The following C14orf39 variants were observed in gnomAD, a reference collection of about 807,000 sequenced individuals.
C14orf39 encodes the protein protein SIX6OS1.
A neutral mutation model predicts 85.6 loss-of-function variants in C14orf39; 66 were observed. The ratio of observed to expected loss-of-function variants is 0.77; its 90% CI spans 0.63 to 0.95. The LOEUF (loss-of-function observed/expected upper bound fraction) is 0.95. C14orf39 is among the 40% of genes least tolerant of loss of function. The probability of loss-of-function intolerance (pLI) is 0.00; values close to 1 mark genes in which losing one functional copy is unlikely to be tolerated. For missense variants in C14orf39, 735 were observed against 663.9 expected, an observed-to-expected ratio of 1.11 and a Z score of -1.18; for synonymous variants, 242 against 214.0, an observed-to-expected ratio of 1.13 and a Z score of -1.14.
intron 1 of C14orf39, chr14:60,509,360 T>A: frequency 6.4e-7 from 1 of 1,570,242 alleles, no homozygotes. Flanking sequence ...CGTGTCCCGC[T>A]CCGGGCTCAG....
At chr14:60,462,761 A>C (rs138269877) in intron 11 of C14orf39, among the ~76,000 whole-genome samples, 26 of 152,218 alleles carry the variant, frequency 1.7e-4, no homozygotes, top group Non-Finnish European at 7.4e-5. Context: ...ACTTTCTTAA[A>C]ACATGAGATT....
intron 17 of C14orf39, among the ~76,000 whole-genome samples, chr14:60,437,780 T>C (rs2140005538): frequency 6.6e-6 from 1 of 152,080 alleles, no homozygotes; most frequent in Non-Finnish European, 1.5e-5. Context: ...ATTTATTGAG[T>C]CACTACAATA....
At chr14:60,472,841 T>C (rs1892167219) in intron 5 of C14orf39, among the ~76,000 whole-genome samples, 1 of 152,176 alleles carries the variant, frequency 6.6e-6, no homozygotes, top group African/African-American at 2.4e-5. Context: ...TCTTTGCTAT[T>C]GTGAATAGTG....
At chr14:60,472,875 G>A (rs969783067) in intron 5 of C14orf39, among the ~76,000 whole-genome samples, 3 of 152,126 alleles carry the variant, frequency 2.0e-5, no homozygotes, top group African/African-American at 4.8e-5. Context: ...ACGTGTGCAT[G>A]TGTCTTTATA....
intron 16 of C14orf39, among the ~76,000 whole-genome samples, chr14:60,449,026 G>A (rs1220159902): frequency 6.6e-6 from 1 of 152,076 alleles, no homozygotes; most frequent in Non-Finnish European, 1.5e-5. Context: ...TTACATACTG[G>A]GGCCTGTCAG....
intron 16 of C14orf39, among the ~76,000 whole-genome samples, chr14:60,451,743 G>A (rs959712614): frequency 4.6e-5 from 7 of 151,178 alleles, no homozygotes. Flanking sequence ...TGTAAATGAC[G>A]AGTTAATGGG....
At chr14:60,485,656 A>G (rs930345222) in intron 1 of C14orf39, among the ~76,000 whole-genome samples, 1 of 152,096 alleles carries the variant, frequency 6.6e-6, no homozygotes, top group African/African-American at 2.4e-5. Context: ...CGTGCCCCTC[A>G]GAGCCCAGGA....
chr14:60,509,517 C>T, intron 1 of C14orf39: 1 of 1,606,482 alleles, frequency 6.2e-7, no homozygotes. Context: ...CTGCCCGTGG[C>T]CCCTGCGGCC....
At chr14:60,488,223 A>C (rs1450067008), upstream of C14orf39, among the ~76,000 whole-genome samples, 1 of 152,180 alleles carries the variant, frequency 6.6e-6, no homozygotes, top group Non-Finnish European at 1.5e-5. Flanking sequence ...CACCTTACTG[A>C]GATCTGAAAA....
At chr14:60,457,993 T>A (rs995661015) in intron 14 of C14orf39, among the ~76,000 whole-genome samples, 5 of 151,966 alleles carry the variant, frequency 3.3e-5, no homozygotes, top group Non-Finnish European at 4.4e-5. Context: ...TTTAAAAAAA[T>A]TTATTGATGC....
At chr14:60,485,813 C>G (rs930273336) in intron 1 of C14orf39, 132 bp downstream of exon 1, 1 of 152,372 alleles carries the variant, frequency 6.6e-6, no homozygotes, top group Non-Finnish European at 1.5e-5. Flanking sequence ...CCGCACCAAC[C>G]CAGGGGATAA....
intron 1 of C14orf39, among the ~76,000 whole-genome samples, chr14:60,508,252 A>G (rs1388209572): frequency 6.6e-6 from 1 of 152,188 alleles, no homozygotes; most frequent in Admixed American, 6.5e-5. Flanking sequence ...CAAGGAAAGG[A>G]GTTAAGTCGA....
intron 1 of C14orf39, among the ~76,000 whole-genome samples, chr14:60,500,874 C>CA (rs933354683): frequency 1.2e-4 from 17 of 147,332 alleles, no homozygotes; most frequent in South Asian, 4.3e-4. Flanking sequence ...GGAAAACGAA[C>CA]AAAAAAAAAG....
chr14:60,461,089 A>AG (rs1340849333), intron 13 of C14orf39, among the ~76,000 whole-genome samples: 1 of 151,994 alleles, frequency 6.6e-6, no homozygotes, highest in African/African-American at 2.4e-5. Context: ...AAAAATGCAT[A>AG]GAAAAAAATG....
chr14:60,447,445 A>T (rs374822481), intron 16 of C14orf39, among the ~76,000 whole-genome samples: 3 of 152,148 alleles, frequency 2.0e-5, no homozygotes, highest in Admixed American at 6.6e-5. Context: ...CCATTCACAA[A>T]TGCTTCAAAG....
rs754095136 is a variant in C14orf39 at position 60,478,329 on chromosome 14, A to G, written c.294T>C (p.Thr98=). The change falls in exon 5 of 18, where the codon ACT becomes ACC. Residue 98 remains threonine, a synonymous_variant. Transcript: ENST00000321731. ...KHEDYMQDQF[T]VYQGTVEKDK... ...CTTTTTCAACAGTTCCTTGATAAACAGTAAATTGGTCCTGCATATAATCTT... is the reference window on the plus strand; with the variant it reads ...CTTTTTCAACAGTTCCTTGATAAACGGTAAATTGGTCCTGCATATAATCTT... The G allele has an allele frequency of 1.3e-6, 2 of 1,577,458 alleles. No homozygotes were observed. Among genetic ancestry groups the G allele is most frequent in the Non-Finnish European group, 1.7e-6 (2 of 1,164,916 alleles).
chr14:60,513,271 G>A (rs1893319373), intron 1 of C14orf39, among the ~76,000 whole-genome samples: 1 of 152,142 alleles, frequency 6.6e-6, no homozygotes, highest in South Asian at 2.1e-4. Flanking sequence ...GCCCTCCTGT[G>A]GGTCCTGAAA....
At chr14:60,450,963 A>C (rs1190440762) in intron 16 of C14orf39, among the ~76,000 whole-genome samples, 4 of 152,202 alleles carry the variant, frequency 2.6e-5, no homozygotes, top group African/African-American at 4.8e-5. Context: ...AGTCCCTTTG[A>C]ATACTTGGAA....
rs1474392420 is a variant in C14orf39, at chr14:60,491,685, C to A, written c.-8-6599G>T. Among the ~76,000 whole-genome samples, 1 of 152,134 alleles carries A rather than the reference C, an allele frequency of 6.6e-6. No individual in the cohort carries two copies. The highest frequency in any genetic ancestry group is 6.5e-5 in the Admixed American group (1 of 15,270). ...TATTTCAGCTGCCGCCATCTAAATT[C>A]ATTCTCTCACCTGGATTATTGTACT... On this transcript the variant is annotated intron_variant, in intron 2 of 5. Coordinates refer to the C14orf39 transcript ENST00000556799. This position sits in a 1 kb window ranked among gnomAD's most constrained non-coding sequence, Gnocchi z 4.5.
Sources: allele counts gnomAD v4.1 joint callset (sites outside exome capture counted in the v4.1 genomes callset), GRCh38; gene constraint gnomAD v4.1.1; non-coding constraint Gnocchi (gnomAD v3.1); transcripts MANE v1.5; gene names NCBI Gene and HGNC (gene_info 2026-07-23, HGNC 2026-07-21).